The following THOC1 variants were observed in gnomAD, a reference collection of about 807,000 sequenced individuals.
THOC1 encodes the protein THO complex subunit 1, also known as THO complex 1.
A neutral mutation model predicts 97.3 loss-of-function variants in THOC1; 29 were observed. The ratio of observed to expected loss-of-function variants is 0.30; its 90% CI spans 0.22 to 0.41. THOC1 has a LOEUF of 0.41. Ranked by LOEUF, THOC1 falls within the 10% of genes least tolerant of loss-of-function variation. THOC1 has a pLI of 1.00. For synonymous variants in THOC1, 255 were observed against 257.0 expected (o/e 0.99, Z 0.07); for missense variants, 529 against 761.9 (o/e 0.69, Z 3.60).
chr18:216,005 G>GT (rs1232570226), intron 19 of THOC1, among the ~76,000 whole-genome samples: 3 of 152,286 alleles, frequency 2.0e-5, no homozygotes, highest in African/African-American at 7.2e-5. Flanking sequence ...CCAGGCTGGA[G>GT]TGCAGTGGCG....
At chr18:267,884 G>A (rs368555076) in intron 1 of THOC1, 82 bp downstream of exon 1, 1 of 1,438,944 alleles carries the variant, frequency 6.9e-7, no homozygotes, top group Non-Finnish European at 9.4e-7. Context: ...CTTTACCCCA[G>A]GGCAAAATTC....
At chr18:261,725 T>G (rs774926831) in intron 4 of THOC1, among the ~76,000 whole-genome samples, 1 of 152,234 alleles carries the variant, frequency 6.6e-6, no homozygotes, top group Admixed American at 6.5e-5. Flanking sequence ...GAGAAGCATA[T>G]TTTCTGCCCT....
At chr18:267,489 C>T (rs1197499418) in intron 1 of THOC1, among the ~76,000 whole-genome samples, 5 of 152,204 alleles carry the variant, frequency 3.3e-5, no homozygotes, top group Non-Finnish European at 5.9e-5. Context: ...TCTCATCGAT[C>T]GCTTAGGAGT....
chr18:240,893 G>A (rs1160012002), intron 11 of THOC1, among the ~76,000 whole-genome samples: 1 of 152,136 alleles, frequency 6.6e-6, no homozygotes, highest in Non-Finnish European at 1.5e-5. Context: ...GGGTTGGTGG[G>A]AGACAGTGAC....
In THOC1 at chr18:223,437, T is replaced by A; in HGVS notation, c.1370+3A>T. ...CACTTCATTTGAAAAATGTTCAACT[T>A]GCCTTGTCTCTGATTTACAGGCTTC... On this transcript the variant is annotated splice_donor_region_variant and intron_variant, in intron 17 of 20. Transcript: ENST00000261600. The A allele has an allele frequency of 6.4e-7, 1 of 1,553,774 alleles. No individual in the cohort carries two copies. The highest frequency in any genetic ancestry group is 8.7e-7 in the Non-Finnish European group (1 of 1,147,634).
At chr18:259,442 C>T (rs966324690) in intron 6 of THOC1, among the ~76,000 whole-genome samples, 167 bp from the exon 7 acceptor site, 3 of 152,010 alleles carry the variant, frequency 2.0e-5, no homozygotes, top group African/African-American at 7.2e-5. Flanking sequence ...AAATTAGGAA[C>T]AAAACAAGTT....
intron 11 of THOC1, among the ~76,000 whole-genome samples, chr18:228,303 A>G (rs571068268): frequency 1.2e-3 from 183 of 151,986 alleles, no homozygotes; most frequent in African/African-American, 4.4e-3. Context: ...CTTCCAATAT[A>G]CCTAATATTT....
chr18:216,752 G>A (rs1910905917), intron 18 of THOC1, 119 bp from the exon 19 acceptor site: 14 of 1,308,672 alleles, frequency 1.1e-5, no homozygotes, highest in Admixed American at 6.6e-5. Context: ...GCCATTCTTT[G>A]TATTTGAATC....
chr18:215,642 A>AGCT, intron 19 of THOC1, 138 bp from the exon 20 acceptor site: 1 of 644,592 alleles, frequency 1.6e-6, no homozygotes, highest in South Asian at 1.8e-5. Flanking sequence ...GTTAAATGAC[A>AGCT]GTGTCAGGTA....
intron 7 of THOC1, among the ~76,000 whole-genome samples, chr18:256,943 T>C (rs1166836169): frequency 6.6e-6 from 1 of 152,170 alleles, no homozygotes; most frequent in African/African-American, 2.4e-5. Flanking sequence ...GCCATCAACA[T>C]CAAGGTAAGA....
intron 11 of THOC1, among the ~76,000 whole-genome samples, chr18:229,370 A>T (rs1033043391): frequency 6.6e-6 from 1 of 152,204 alleles, no homozygotes; most frequent in Non-Finnish European, 1.5e-5. Context: ...TGACCGCCTC[A>T]TCCACTAATC....
At chr18:215,808 C>A in intron 19 of THOC1, 3 of 300,470 alleles carry the variant, frequency 1.0e-5, no homozygotes, top group Non-Finnish European at 1.2e-5. Context: ...TTAGTAAAGA[C>A]GGCCTCAAGG....
chr18:230,737 C>G (rs1911456950), intron 11 of THOC1, among the ~76,000 whole-genome samples: 1 of 151,968 alleles, frequency 6.6e-6, no homozygotes, highest in Non-Finnish European at 1.5e-5. Flanking sequence ...TCAAACATTT[C>G]ATTATTATTA....
At chr18:226,335 A>C (rs1403607556) in intron 12 of THOC1, 2 of 155,482 alleles carry the variant, frequency 1.3e-5, no homozygotes, top group Admixed American at 1.3e-4. Context: ...AAGTATTTAG[A>C]TAGACAGTAG....
chr18:245,255 G>A (rs1912051091), intron 11 of THOC1: 1 of 152,080 alleles, frequency 6.6e-6, no homozygotes, highest in African/African-American at 2.4e-5. Flanking sequence ...ATTTATCAGA[G>A]TTTTGAACAG....
chr18:243,907 T>C (rs1338635883), intron 11 of THOC1, among the ~76,000 whole-genome samples: 1 of 152,204 alleles, frequency 6.6e-6, no homozygotes, highest in African/African-American at 2.4e-5. Flanking sequence ...AATCAGTCTA[T>C]ACTTGTTATT....
chr18:232,963 T>C (rs940410283), intron 11 of THOC1, among the ~76,000 whole-genome samples: 16 of 152,210 alleles, frequency 1.1e-4, no homozygotes, highest in African/African-American at 3.9e-4. Context: ...CCCGGTTATG[T>C]AGGTGACAAA....
intron 11 of THOC1, among the ~76,000 whole-genome samples, chr18:240,146 A>C (rs1911847873): frequency 6.6e-6 from 1 of 152,176 alleles, no homozygotes. Context: ...AGGTTGGGTG[A>C]CTTCTTATTC....
chr18:264,313 C>G (rs1912697104), intron 3 of THOC1, among the ~76,000 whole-genome samples: 1 of 152,182 alleles, frequency 6.6e-6, no homozygotes, highest in African/African-American at 2.4e-5. Flanking sequence ...GCAACTCACT[C>G]AAAATCCAAT....
Sources: gnomAD v4.1 joint callset for allele counts (sites outside exome capture counted in the v4.1 genomes callset) on GRCh38, gnomAD v4.1.1 for gene constraint, MANE v1.5 for transcripts, NCBI Gene and HGNC (gene_info 2026-07-23, HGNC 2026-07-21) for gene names.